The following ADAMTSL1 variants were observed in gnomAD, a reference collection of about 807,000 sequenced individuals.
ADAMTSL1 encodes the protein ADAMTS like 1, also known as ADAMTS-like protein 1.
A neutral mutation model predicts 201.8 loss-of-function variants in ADAMTSL1; 126 were observed. That is an observed-to-expected ratio of 0.62 (90% CI 0.54 to 0.72). The LOEUF is 0.72. Ranked by LOEUF, ADAMTSL1 falls within the 30% of genes least tolerant of loss-of-function variation. The pLI is 0.00. For synonymous variants in ADAMTSL1, 1,121 were observed against 903.4 expected (o/e 1.24, Z -4.32); for missense variants, 2,679 against 2,277.8 (o/e 1.18, Z -3.59).
chr9:18,161,364 A>G (rs1371264283), intron 1 of ADAMTSL1, among the ~76,000 whole-genome samples: 1 of 152,092 alleles, frequency 6.6e-6, no homozygotes, highest in African/African-American at 2.4e-5. Flanking sequence ...TAAGTTCATT[A>G]GGCTTCTTTT....
chr9:18,214,638 G>T (rs73424969), intron 2 of ADAMTSL1, among the ~76,000 whole-genome samples: 322 of 152,294 alleles, frequency 2.1e-3, no homozygotes, highest in African/African-American at 7.4e-3. Context: ...CTTTGAATTT[G>T]TGTATCCATG....
At chr9:17,962,166 G>A (rs531131276) in intron 1 of ADAMTSL1, among the ~76,000 whole-genome samples, 124 of 152,182 alleles carry the variant, frequency 8.1e-4, no homozygotes, top group African/African-American at 2.8e-3. Flanking sequence ...ACCTTCCCTC[G>A]GCTGACCAGG....
At chr9:18,616,048 C>T (rs756432343) in intron 4 of ADAMTSL1, among the ~76,000 whole-genome samples, 32 of 151,540 alleles carry the variant, frequency 2.1e-4, no homozygotes, top group Non-Finnish European at 4.6e-4. Context: ...TTTTTGGAGA[C>T]AAAGTCTCGT....
At chr9:18,088,942 C>T (rs766097673) in intron 1 of ADAMTSL1, among the ~76,000 whole-genome samples, 18 of 152,124 alleles carry the variant, frequency 1.2e-4, no homozygotes, top group Non-Finnish European at 1.5e-4. Context: ...TCCCCATGTT[C>T]ATTGCAGGAT....
chr9:18,864,149 C>T (rs1588263307), intron 23 of ADAMTSL1, among the ~76,000 whole-genome samples: 1 of 152,162 alleles, frequency 6.6e-6, no homozygotes, highest in Admixed American at 6.5e-5. Context: ...TTTTTCTCCT[C>T]CTCTTTTAGA....
chr9:18,601,360 G>A (rs1378195847), intron 4 of ADAMTSL1, among the ~76,000 whole-genome samples: 2 of 152,196 alleles, frequency 1.3e-5, no homozygotes, highest in South Asian at 2.1e-4. Flanking sequence ...GCCTCAAGAA[G>A]CACAAGTGCC....
At chr9:18,178,135 G>A (rs1317629548) in intron 2 of ADAMTSL1, among the ~76,000 whole-genome samples, 2 of 152,212 alleles carry the variant, frequency 1.3e-5, no homozygotes, top group African/African-American at 4.8e-5. Context: ...TCACTAAGGA[G>A]TGCCAGACAG....
chr9:18,352,554 A>G (rs902918791), intron 2 of ADAMTSL1, among the ~76,000 whole-genome samples: 3 of 152,110 alleles, frequency 2.0e-5, no homozygotes, highest in Non-Finnish European at 2.9e-5. Flanking sequence ...TTACATTTAA[A>G]TTTCCTTTCT....
intron 15 of ADAMTSL1, chr9:18,723,027 C>T (rs1173902613): frequency 1.0e-5 from 8 of 779,618 alleles, no homozygotes; most frequent in African/African-American, 1.0e-4. Context: ...GAAGCAGTAT[C>T]GACTCAGCAT....
chr9:18,850,244 T>G (rs1225637985), intron 23 of ADAMTSL1, among the ~76,000 whole-genome samples: 1 of 152,180 alleles, frequency 6.6e-6, no homozygotes, highest in Admixed American at 6.5e-5. Context: ...CTCCCTGCCA[T>G]GTCCAACAGG....
At chr9:18,302,129 T>A (rs997972709) in intron 2 of ADAMTSL1, among the ~76,000 whole-genome samples, 1 of 152,204 alleles carries the variant, frequency 6.6e-6, no homozygotes, top group African/African-American at 2.4e-5. Context: ...TCTCTCTTTT[T>A]TGGGTTGCTG....
Position 18,908,580 on chromosome 9 carries a change from C to T in ADAMTSL1, c.*32C>T. The T allele has an allele frequency of 6.6e-7, 1 of 1,520,206 alleles. No individual in the cohort carries two copies. The highest frequency in any genetic ancestry group is 1.2e-5 in the South Asian group (1 of 82,546). The allele number at this position is 1,520,206 out of a possible 1,614,324, so 94.2% of individuals were successfully genotyped here. A position where few individuals can be genotyped will look rare whatever the true frequency, so the allele number is the denominator to read the frequency against. Reference sequence around the variant, plus strand: ...GGTGTGGGGAAAAACTCTACCCTGGCCACACGAAGGACTCACGCAACCACC... The same window carrying T: ...GGTGTGGGGAAAAACTCTACCCTGGTCACACGAAGGACTCACGCAACCACC... On this transcript the variant is annotated 3_prime_UTR_variant, in exon 29 of 29. Coordinates refer to ENST00000380548, the MANE Select transcript of ADAMTSL1 (RefSeq NM_001040272.6).
intron 1 of ADAMTSL1, among the ~76,000 whole-genome samples, chr9:18,002,114 T>C (rs1819635671): frequency 6.6e-6 from 1 of 151,722 alleles, no homozygotes; most frequent in South Asian, 2.1e-4. Context: ...TACCTAATGA[T>C]GAAAGTAAAA....
At chr9:18,014,815 C>G (rs1025765318) in intron 1 of ADAMTSL1, among the ~76,000 whole-genome samples, 2 of 151,998 alleles carry the variant, frequency 1.3e-5, no homozygotes, top group Non-Finnish European at 2.9e-5. Flanking sequence ...TCAGAACTGT[C>G]TTCTCTGAGT....
chr9:18,342,792 T>C (rs1835521917), intron 2 of ADAMTSL1, among the ~76,000 whole-genome samples: 1 of 152,166 alleles, frequency 6.6e-6, no homozygotes, highest in Non-Finnish European at 1.5e-5. Flanking sequence ...TAACATCTTC[T>C]CAAGGATTAC....
At chr9:18,418,258 A>T (rs199660544) in intron 2 of ADAMTSL1, among the ~76,000 whole-genome samples, 1 of 152,222 alleles carries the variant, frequency 6.6e-6, no homozygotes, top group Admixed American at 6.5e-5. Flanking sequence ...TACAGGTAAC[A>T]TCAAACTTAG....
At chr9:18,253,325 T>C (rs978218382) in intron 2 of ADAMTSL1, among the ~76,000 whole-genome samples, 1 of 152,232 alleles carries the variant, frequency 6.6e-6, no homozygotes, top group Non-Finnish European at 1.5e-5. Flanking sequence ...TGGAGATGAC[T>C]AATTTCTCCT....
chr9:18,816,653 G>T (rs1823866088), intron 20 of ADAMTSL1, among the ~76,000 whole-genome samples: 1 of 141,142 alleles, frequency 7.1e-6, no homozygotes, highest in African/African-American at 2.6e-5. Context: ...TTAATTTAAT[G>T]ATTAGAATGC....
chr9:17,916,804 G>T (rs557709665), intron 1 of ADAMTSL1, among the ~76,000 whole-genome samples: 3 of 152,114 alleles, frequency 2.0e-5, no homozygotes, highest in African/African-American at 4.8e-5. Flanking sequence ...GAATCAGATT[G>T]CCAATTAAAA....
Sources: allele counts gnomAD v4.1 joint callset (sites outside exome capture counted in the v4.1 genomes callset), GRCh38; gene constraint gnomAD v4.1.1; transcripts MANE v1.5; gene names NCBI Gene and HGNC (gene_info 2026-07-23, HGNC 2026-07-21).